Variants in PCF11 observed in about 807,000 individuals in gnomAD.
The protein encoded by PCF11 is pre-mRNA cleavage complex 2 protein Pcf11.
A neutral mutation model predicts 166.1 loss-of-function variants in PCF11; 19 were observed. That is an observed-to-expected ratio of 0.11 (90% CI 0.08 to 0.17). The LOEUF is 0.17. PCF11 is among the 10% of genes least tolerant of loss of function. The pLI, the probability that PCF11 is intolerant of heterozygous loss-of-function variation, is 1.00. For missense variants in PCF11, 1,565 were observed against 1,855.5 expected (o/e 0.84, Z 2.88); for synonymous variants, 663 against 644.1 (o/e 1.03, Z -0.44).
At chr11:83,166,386 A>G (rs1446797467) in exon 5 of PCF11, 3 of 1,613,980 alleles carry the variant, frequency 1.9e-6, no homozygotes, top group Non-Finnish European at 2.5e-6. Flanking sequence ...TTCCCCAAAG[A>G]GAAGAGATAG....
chr11:83,173,783 G>A (rs1860781916), intron 9 of PCF11, among the ~76,000 whole-genome samples: 1 of 129,100 alleles, frequency 7.7e-6, no homozygotes, highest in South Asian at 2.7e-4. Context: ...AGGCTGGAGT[G>A]CAGTGGCATG....
At chr11:83,160,688 T>A (rs545318529) in intron 1 of PCF11, among the ~76,000 whole-genome samples, 1 of 152,144 alleles carries the variant, frequency 6.6e-6, no homozygotes, top group African/African-American at 2.4e-5. Context: ...TCAACCTGAT[T>A]TACATGATTC....
chr11:83,178,799 C>T (rs1442192880), intron 11 of PCF11, among the ~76,000 whole-genome samples: 34 of 146,804 alleles, frequency 2.3e-4, no homozygotes, highest in African/African-American at 8.4e-4. Flanking sequence ...GGCGAAAGAG[C>T]GAGACTGTGT....
chr11:83,157,404 C>G, exon 1 of PCF11: 1 of 1,586,266 alleles, frequency 6.3e-7, no homozygotes, highest in Non-Finnish European at 8.6e-7. Context: ...GCTTCAGCTT[C>G]AGCTGCAGCG....
exon 5 of PCF11, chr11:83,165,891 A>T (rs191990365): frequency 7.5e-6 from 12 of 1,606,182 alleles, no homozygotes; most frequent in Non-Finnish European, 1.0e-5. Context: ...GACAAGTAAA[A>T]CTATACCCTC....
intron 1 of PCF11, 121 bp downstream of exon 1, chr11:83,157,752 C>A: frequency 2.3e-6 from 2 of 880,446 alleles, no homozygotes; most frequent in Non-Finnish European, 1.8e-6. Flanking sequence ...AACCCCCCCA[C>A]CCCCCTCCAA....
intron 11 of PCF11, among the ~76,000 whole-genome samples, chr11:83,179,486 G>A (rs11233507): frequency 0.021 from 3,212 of 152,210 alleles, 90 homozygotes; most frequent in African/African-American, 0.072. Flanking sequence ...CTGGGCTCAA[G>A]TCATCTGCCC....
exon 15 of PCF11, chr11:83,183,057 A>T (rs1381328630): frequency 1.4e-6 from 2 of 1,464,826 alleles, no homozygotes; most frequent in Non-Finnish European, 1.9e-6. Context: ...CCATCATGTT[A>T]TGAAGATTAT....
At chr11:83,162,855 A>T (rs1474366626) in intron 2 of PCF11, among the ~76,000 whole-genome samples, 1 of 151,282 alleles carries the variant, frequency 6.6e-6, no homozygotes, top group African/African-American at 2.4e-5. Context: ...GCTCACTGCA[A>T]CCTCCGCCTC....
chr11:83,157,803 C>G, intron 1 of PCF11, 172 bp downstream of exon 1: 1 of 626,996 alleles, frequency 1.6e-6, no homozygotes, highest in East Asian at 2.7e-5. Flanking sequence ...GCATGGGCCT[C>G]TGGGGGGGAG....
exon 5 of PCF11, chr11:83,166,415 G>A: frequency 1.2e-6 from 2 of 1,613,892 alleles, no homozygotes; most frequent in Non-Finnish European, 1.7e-6. Flanking sequence ...CCAAACGAAG[G>A]CAAAGAAGTA....
chr11:83,181,898 A>G (rs764829767), exon 13 of PCF11: 11 of 1,612,186 alleles, frequency 6.8e-6, no homozygotes, highest in South Asian at 1.1e-5. Flanking sequence ...AAGAACGGGC[A>G]AAGAGCCAGT....
At chr11:83,157,738 C>T (rs747082319) in intron 1 of PCF11, 107 bp downstream of exon 1, 237 of 1,007,224 alleles carry the variant, frequency 2.4e-4, no homozygotes, top group Non-Finnish European at 3.3e-4. Flanking sequence ...TGTTCCTTCT[C>T]TCCAACCCCC....
chr11:83,166,488 A>G (rs1310585039), exon 5 of PCF11: 7 of 1,613,988 alleles, frequency 4.3e-6, no homozygotes, highest in East Asian at 2.2e-5. Context: ...GCAGTCACAT[A>G]TGGAAGAGTT....
exon 11 of PCF11, chr11:83,177,812 T>C (rs1329835753): frequency 4.1e-6 from 6 of 1,446,588 alleles, no homozygotes; most frequent in South Asian, 1.3e-5. Context: ...AGTTGAAGAA[T>C]TGAAACAGTA....
At chr11:83,179,452 G>A (rs967023951) in intron 11 of PCF11, among the ~76,000 whole-genome samples, 5 of 151,966 alleles carry the variant, frequency 3.3e-5, no homozygotes, top group African/African-American at 1.2e-4. Context: ...GTTTCATCAT[G>A]TTGTCCAGGC....
chr11:83,168,606 G>A (rs1233373369), exon 8 of PCF11: 1 of 1,613,758 alleles, frequency 6.2e-7, no homozygotes, highest in Non-Finnish European at 8.5e-7. Context: ...GACCTAGTAG[G>A]CCATCAGTAG....
intron 9 of PCF11, among the ~76,000 whole-genome samples, chr11:83,176,513 A>T (rs1044097771): frequency 2.0e-5 from 3 of 152,244 alleles, no homozygotes; most frequent in Non-Finnish European, 2.9e-5. Context: ...GCCATAAAAA[A>T]GGATGAGTTC....
intron 3 of PCF11, 125 bp from the exon 4 acceptor site, chr11:83,164,082 A>G: frequency 1.5e-6 from 1 of 671,266 alleles, no homozygotes; most frequent in South Asian, 2.3e-5. Flanking sequence ...TGGGTTTTAA[A>G]TTTCTGATAA....
Sources: gnomAD v4.1 joint callset for allele counts (sites outside exome capture counted in the v4.1 genomes callset) on GRCh38, gnomAD v4.1.1 for gene constraint, MANE v1.5 for transcripts, NCBI Gene and HGNC (gene_info 2026-07-23, HGNC 2026-07-21) for gene names.